Variants in HEG1 observed in about 807,000 individuals in gnomAD.
HEG1 encodes the protein heart development protein with EGF like domains 1.
In HEG1, 56 loss-of-function variants were observed where a neutral mutation model predicts 125.6. That is an observed-to-expected ratio of 0.45 (90% CI 0.36 to 0.56). The LOEUF (loss-of-function observed/expected upper bound fraction) is 0.56. Ranked by LOEUF, HEG1 falls within the 20% of genes least tolerant of loss-of-function variation. HEG1 has a pLI of 0.00. For synonymous variants in HEG1, 644 were observed against 668.5 expected, an observed-to-expected ratio of 0.96 and a Z score of 0.57; for missense variants, 1,523 against 1,670.0, an observed-to-expected ratio of 0.91 and a Z score of 1.53.
intron 9 of HEG1, among the ~76,000 whole-genome samples, chr3:125,003,007 C>G (rs1937021532): frequency 6.6e-6 from 1 of 152,206 alleles, no homozygotes; most frequent in African/African-American, 2.4e-5. Context: ...GCAGATCCAC[C>G]TGTGTTCAAG....
intron 1 of HEG1, among the ~76,000 whole-genome samples, chr3:125,039,856 A>C (rs376915926): frequency 2.0e-5 from 3 of 151,774 alleles, no homozygotes; most frequent in East Asian, 1.9e-4. Flanking sequence ...AAAACAACAA[A>C]AAAAAACAAG....
At chr3:125,009,343 C>G (rs563647071) in intron 8 of HEG1, among the ~76,000 whole-genome samples, 2 of 149,530 alleles carry the variant, frequency 1.3e-5, no homozygotes, top group Non-Finnish European at 3.0e-5. Context: ...TTTTTCCTAG[C>G]TCCAGGGTGG....
intron 16 of HEG1, among the ~76,000 whole-genome samples, chr3:124,973,513 A>G (rs1388299458): frequency 6.6e-6 from 1 of 152,234 alleles, no homozygotes; most frequent in African/African-American, 2.4e-5. Context: ...CCACATAAAT[A>G]TAATGTGCTT....
Position 125,007,379 on chromosome 3 carries a change from T to C in HEG1, c.3194-2011A>G, listed in dbSNP as rs186873742. Among the ~76,000 whole-genome samples the C allele has an allele frequency of 2.1e-3, 312 of 152,138 alleles. 2 individuals are homozygous for C. The highest frequency in any genetic ancestry group is 6.9e-3 in the African/African-American group (288 of 41,496). ...TTTTGTTGTTTTTTTTTAAAGACAC[T>C]TACACCTTTACGCCTGCAGTTACAG... On this transcript the variant is annotated intron_variant, in intron 8 of 16. Coordinates refer to ENST00000311127, the MANE Select transcript of HEG1 (RefSeq NM_020733.2).
chr3:125,013,786 T>C lies in HEG1; in HGVS notation c.1793A>G (p.Tyr598Cys). The change falls in exon 6 of 17, where the codon TAT becomes TGT. Residue 598 changes from tyrosine to cysteine, a missense_variant. By Grantham distance (194) the Tyr-to-Cys change is radical. Transcript: ENST00000311127. ...IKISNSSHSE[Y>C]SSFFHAQTER... Reference sequence around the variant, plus strand: ...AGTCTGAGCATGAAAAAAGGAGGAATACTCTGAATGTGAAGAGTTTGAGAT... The same window carrying C: ...AGTCTGAGCATGAAAAAAGGAGGAACACTCTGAATGTGAAGAGTTTGAGAT... The C allele has an allele frequency of 6.2e-7, 1 of 1,613,836 alleles. No individual in the cohort carries two copies. Among genetic ancestry groups the C allele is most frequent in the Non-Finnish European group, 8.5e-7 (1 of 1,179,748 alleles).
intron 1 of HEG1, among the ~76,000 whole-genome samples, chr3:125,042,810 G>A (rs1421922695): frequency 1.3e-5 from 2 of 152,226 alleles, no homozygotes; most frequent in African/African-American, 4.8e-5. Context: ...GGATATTCTG[G>A]GACATGCAAG....
chr3:125,012,501 A>G lies in HEG1; in HGVS notation c.2956+122T>C, dbSNP rs568717305. The G allele has an allele frequency of 9.8e-5, 105 of 1,067,342 alleles. No individual in the cohort carries two copies. The Admixed American group carries it at 1.4e-3, about 14-fold the overall frequency. 66.1% of individuals were successfully genotyped at this position (1,067,342 alleles called of 1,614,324 possible). On this transcript the variant is annotated intron_variant, in intron 6 of 16. Transcript: ENST00000311127. ...TCAATAGGAAGCATTTTAGGTCGCA[A>G]AACAGAAGCTATTTCAAATGCCAGC...
At chr3:124,998,740 G>A (rs1222279299) in intron 11 of HEG1, among the ~76,000 whole-genome samples, 1 of 152,202 alleles carries the variant, frequency 6.6e-6, no homozygotes, top group African/African-American at 2.4e-5. Context: ...CAATGAGGGT[G>A]CATAGGCCTC....
intron 1 of HEG1, among the ~76,000 whole-genome samples, chr3:125,034,574 G>T (rs1269492383): frequency 1.3e-5 from 2 of 152,172 alleles, no homozygotes; most frequent in African/African-American, 4.8e-5. Flanking sequence ...AAGGCAGGAG[G>T]ATCACTTGAG....
chr3:124,973,315 G>A (rs6764627), intron 16 of HEG1, among the ~76,000 whole-genome samples: 1,953 of 152,224 alleles, frequency 0.013, 45 homozygotes, highest in African/African-American at 0.045. Context: ...GATTACAGGT[G>A]TGAGCCACTG....
intron 14 of HEG1, 66 bp downstream of exon 14, chr3:124,990,721 C>A: frequency 7.0e-7 from 1 of 1,436,612 alleles, no homozygotes; most frequent in East Asian, 2.5e-5. Context: ...AGGAGACTGA[C>A]ACCTGTGCAC....
chr3:125,013,335 G>A lies in HEG1; in HGVS notation c.2244C>T (p.Pro748=). The change falls in exon 6 of 17, where the codon CCC becomes CCT. Residue 748 remains proline (P), a synonymous_variant. Transcript: ENST00000311127. The part of the protein sequence containing the change: ...LPQSSSTPVL[P]RARETPVTSF... ...AAGTCACAGGAGTCTCCCTTGCCCTGGGCAGGACAGGGGTAGAAGATGACT... is the reference window on the plus strand; with the variant it reads ...AAGTCACAGGAGTCTCCCTTGCCCTAGGCAGGACAGGGGTAGAAGATGACT... 6.2e-7 allele frequency: 1 copy of A among 1,613,928 alleles called. No homozygotes were observed. Among genetic ancestry groups the A allele is most frequent in the African/African-American group, 1.3e-5 (1 of 75,026 alleles).
chr3:124,990,887 G>C, intron 13 of HEG1, 57 bp downstream of exon 13: 1 of 1,550,996 alleles, frequency 6.4e-7, no homozygotes, highest in Non-Finnish European at 8.7e-7. Context: ...AATAAGTGAG[G>C]CAATTTATCT....
intron 14 of HEG1, among the ~76,000 whole-genome samples, chr3:124,989,792 A>G (rs1936798732): frequency 6.6e-6 from 1 of 152,166 alleles, no homozygotes; most frequent in Admixed American, 6.5e-5. Context: ...TCTGTTCTCA[A>G]TGCAGCCCAA....
chr3:125,010,219 G>A (rs1246588788), intron 7 of HEG1, among the ~76,000 whole-genome samples: 1 of 152,202 alleles, frequency 6.6e-6, no homozygotes, highest in African/African-American at 2.4e-5. Context: ...AGTGTGGCAG[G>A]AGTGTTGGGA....
intron 14 of HEG1, among the ~76,000 whole-genome samples, chr3:124,982,964 T>C (rs1936678623): frequency 6.6e-6 from 1 of 152,116 alleles, no homozygotes; most frequent in Non-Finnish European, 1.5e-5. Context: ...CCCATCATGT[T>C]GTCTGGGAAG....
chr3:124,971,789 CTTT>C (rs10635471), intron 16 of HEG1, among the ~76,000 whole-genome samples: 50 of 128,468 alleles, frequency 3.9e-4, no homozygotes, highest in African/African-American at 1.3e-3. Flanking sequence ...TGCGCCCGGC[CTTT>C]TTTTTTTTTT....
intron 2 of HEG1, 114 bp from the exon 3 acceptor site, chr3:125,027,621 T>C (rs1937437592): frequency 2.3e-6 from 2 of 859,790 alleles, no homozygotes; most frequent in East Asian, 5.3e-5. Context: ...AAGAAGAAAT[T>C]AGGAGAATAA....
intron 9 of HEG1, among the ~76,000 whole-genome samples, chr3:125,004,506 T>C (rs1937043221): frequency 6.6e-6 from 1 of 152,112 alleles, no homozygotes; most frequent in Non-Finnish European, 1.5e-5. Flanking sequence ...TCTTTTGTTT[T>C]TGAGACAGGG....
Sources: allele counts gnomAD v4.1 joint callset (sites outside exome capture counted in the v4.1 genomes callset), GRCh38; gene constraint gnomAD v4.1.1; transcripts MANE v1.5; gene names NCBI Gene and HGNC (gene_info 2026-07-23, HGNC 2026-07-21).